The following OPHN1 variants were observed in gnomAD, a reference collection of about 807,000 sequenced individuals.
OPHN1 encodes the protein oligophrenin-1.
Under a neutral mutation model 60.7 loss-of-function variants are expected in OPHN1, and 11 were observed. The observed-to-expected ratio is 0.18, with a 90% CI of 0.11 to 0.30. OPHN1 has a LOEUF of 0.30. Ranked by LOEUF, OPHN1 falls within the 10% of genes least tolerant of loss-of-function variation. OPHN1 has a pLI of 1.00. For synonymous variants in OPHN1, 226 were observed against 222.6 expected, an observed-to-expected ratio of 1.02 and a Z score of -0.14; for missense variants, 449 against 611.0, an observed-to-expected ratio of 0.73 and a Z score of 2.80.
rs780541582 is a variant in OPHN1 at position 68,317,162 on chromosome X, T to C, written c.155-18066A>G. ...AAAAATACATGAAATTAGCCTGGCGTGGTAATGCATGCCTGTAATCCCAGC... is the reference window on the plus strand; with the variant it reads ...AAAAATACATGAAATTAGCCTGGCGCGGTAATGCATGCCTGTAATCCCAGC... On this transcript the variant is annotated intron_variant, in intron 2 of 24. Transcript: ENST00000355520. 9.5e-5 allele frequency among the ~76,000 whole-genome samples: 10 copies of C among 105,775 alleles called. No individual in the cohort carries two copies. The South Asian group carries it at 4.4e-3, about 46-fold the overall frequency. The allele number at this position is 105,775 out of a possible 115,157, so 91.9% of individuals were successfully genotyped here.
chrX:68,278,914 T>A (rs763819808), intron 4 of OPHN1, among the ~76,000 whole-genome samples: 44 of 108,931 alleles, frequency 4.0e-4, no homozygotes, highest in South Asian at 1.2e-3. Flanking sequence ...AATTTTTTTT[T>A]AAAAAAAGAG....
In OPHN1 at chrX:68,097,366, A is replaced by T. The variant is rs141616543; in HGVS notation, c.1527-337T>A. Among the ~76,000 whole-genome samples, 146 of 111,150 alleles carry T rather than the reference A, an allele frequency of 1.3e-3. 1 individual carries two copies. The highest frequency in any genetic ancestry group is 4.6e-3 in the African/African-American group (140 of 30,604). ...AGAGGACATTCAAAGCAAGAGGAAC[A>T]GCCCATATAAGTATAAAGCATGTAC... On this transcript the variant is annotated intron_variant, in intron 18 of 24. Transcript: ENST00000355520.
intron 15 of OPHN1, among the ~76,000 whole-genome samples, chrX:68,150,676 A>G (rs148694317): frequency 0.022 from 2,448 of 111,724 alleles, 69 homozygotes; most frequent in African/African-American, 0.074. Flanking sequence ...TAGAGTCAGC[A>G]AAGTAAAAAG....
chrX:68,055,838 C>A (rs1357845826), intron 21 of OPHN1, among the ~76,000 whole-genome samples: 1 of 111,496 alleles, frequency 9.0e-6, no homozygotes, highest in Non-Finnish European at 1.9e-5. Flanking sequence ...TCATTCTGAG[C>A]AAACTATCTC....
At chrX:68,276,184 C>T (rs997106513) in intron 4 of OPHN1, among the ~76,000 whole-genome samples, 2 of 111,693 alleles carry the variant, frequency 1.8e-5, no homozygotes, top group African/African-American at 6.5e-5. Flanking sequence ...CTGATTTTTA[C>T]AAAATCAGAC....
intron 2 of OPHN1, among the ~76,000 whole-genome samples, chrX:68,397,325 G>T (rs1013751348): frequency 9.1e-6 from 1 of 110,183 alleles, no homozygotes; most frequent in African/African-American, 3.3e-5. Flanking sequence ...AGTGCCCCAG[G>T]CTTCTTATCG....
Position 68,417,846 on chromosome X carries a change from GAGA to G in OPHN1, c.154+15018_154+15020del, listed in dbSNP as rs1463874869. ...ACTAAAAAAGGAAACCCTCCCTGAA[GAGA>G]AGAACTGCCAAGCAACCGCCTCCTT... On this transcript the variant is annotated intron_variant, in intron 2 of 24. Coordinates refer to ENST00000355520, the MANE Select transcript of OPHN1 (RefSeq NM_002547.3). Among the ~76,000 whole-genome samples the G allele has an allele frequency of 3.6e-5, 4 of 112,660 alleles. No homozygotes were observed. The East Asian group carries it at 8.5e-4, about 24-fold the overall frequency.
At chrX:68,268,586 T>C (rs2077947104) in intron 5 of OPHN1, among the ~76,000 whole-genome samples, 2 of 111,776 alleles carry the variant, frequency 1.8e-5, no homozygotes, top group African/African-American at 6.5e-5. Flanking sequence ...TGATGGGACG[T>C]ATCTCAAAAT....
At chrX:68,113,967 T>A (rs1233503385) in intron 16 of OPHN1, among the ~76,000 whole-genome samples, 7 of 72,271 alleles carry the variant, frequency 9.7e-5, no homozygotes, top group Non-Finnish European at 1.7e-4. Context: ...AGTATAATAA[T>A]AATAAAAAAA....
intron 2 of OPHN1, among the ~76,000 whole-genome samples, chrX:68,388,106 A>G (rs1416136682): frequency 9.5e-6 from 1 of 105,434 alleles, no homozygotes; most frequent in African/African-American, 3.5e-5. Flanking sequence ...AATAAATAAC[A>G]GAAAAGGAAG....
intron 5 of OPHN1, among the ~76,000 whole-genome samples, chrX:68,269,595 G>T (rs2077954937): frequency 9.0e-6 from 1 of 111,513 alleles, no homozygotes; most frequent in Non-Finnish European, 1.9e-5. Context: ...ATTCAAGATG[G>T]ATTAAAGACT....
Position 68,324,884 on chromosome X carries a change from T to TAAA in OPHN1, c.155-25791_155-25789dup, listed in dbSNP as rs554739397. Among the ~76,000 whole-genome samples, 287 of 86,268 alleles carry TAAA rather than the reference T, an allele frequency of 3.3e-3. 2 individuals are homozygous for TAAA. The highest frequency in any genetic ancestry group is 0.012 in the African/African-American group (277 of 24,041). 74.9% of individuals were successfully genotyped at this position (86,268 alleles called of 115,157 possible). ...TAAGGAGACCCCATATCCACAAAAG[T>TAAA]AAAAAAAAAAAAAAAAATTTGATGG... On this transcript the variant is annotated intron_variant, in intron 2 of 24. Transcript: ENST00000355520.
At chrX:68,360,474 A>G (rs1477092635) in intron 2 of OPHN1, among the ~76,000 whole-genome samples, 3 of 111,359 alleles carry the variant, frequency 2.7e-5, no homozygotes, top group Non-Finnish European at 5.6e-5. Context: ...GATTACAGGC[A>G]TAAGCCACCA....
upstream of OPHN1, chrX:68,433,813 C>T: frequency 3.4e-6 from 1 of 297,664 alleles, no homozygotes; most frequent in Non-Finnish European, 5.9e-6. Flanking sequence ...ACAATAGCCG[C>T]GGTAGCCCAG....
chrX:68,407,537 G>A (rs1181673701), intron 2 of OPHN1, among the ~76,000 whole-genome samples: 1 of 111,939 alleles, frequency 8.9e-6, no homozygotes, highest in Non-Finnish European at 1.9e-5. Context: ...ATTCCCATCT[G>A]TAAAATGCGG....
chrX:68,053,844 G>C (rs1474751946), intron 21 of OPHN1, 34 bp from the exon 22 acceptor site: 6 of 1,194,366 alleles, frequency 5.0e-6, no homozygotes, highest in Non-Finnish European at 6.8e-6. Flanking sequence ...AACTTGGATG[G>C]TTAGCCAAAC....
chrX:68,095,774 G>A (rs1284591403), intron 19 of OPHN1, among the ~76,000 whole-genome samples: 2 of 111,049 alleles, frequency 1.8e-5, no homozygotes, highest in Non-Finnish European at 1.9e-5. Flanking sequence ...GGCACTAGCT[G>A]CTATGAAGCT....
At chrX:68,258,467 T>G (rs1304711276) in intron 5 of OPHN1, among the ~76,000 whole-genome samples, 1 of 90,483 alleles carries the variant, frequency 1.1e-5, no homozygotes, top group Non-Finnish European at 2.1e-5. Flanking sequence ...CCTGTGTCCG[T>G]GTGTTCTCAT....
At chrX:68,387,877 T>C (rs912842681) in intron 2 of OPHN1, among the ~76,000 whole-genome samples, 2 of 110,989 alleles carry the variant, frequency 1.8e-5, no homozygotes, top group South Asian at 3.8e-4. Context: ...CATCTGACTA[T>C]GTTTGAGTGT....
Sources: gnomAD v4.1 joint callset for allele counts (sites outside exome capture counted in the v4.1 genomes callset) on GRCh38, gnomAD v4.1.1 for gene constraint, MANE v1.5 for transcripts, NCBI Gene and HGNC (gene_info 2026-07-23, HGNC 2026-07-21) for gene names.